CCDC7: variants seen among roughly 807,000 people sequenced by gnomAD.
CCDC7 encodes the protein coiled-coil domain containing 7, also known as coiled-coil domain-containing protein 7.
Under a neutral mutation model 196.9 loss-of-function variants are expected in CCDC7, and 183 were observed. That is an observed-to-expected ratio of 0.93 (90% CI 0.82 to 1.05). CCDC7 has a LOEUF of 1.05. Among genes scored for constraint, CCDC7 ranks in the 50% least tolerant of loss-of-function variants. CCDC7 has a pLI of 0.00. For synonymous variants in CCDC7, 525 were observed against 484.6 expected (o/e 1.08, Z -1.10); for missense variants, 1,540 against 1,482.2 (o/e 1.04, Z -0.64).
chr10:32,776,630 A>AT (rs1174802349), intron 28 of CCDC7, among the ~76,000 whole-genome samples: 1 of 152,144 alleles, frequency 6.6e-6, no homozygotes, highest in African/African-American at 2.4e-5. Context: ...TAAAATACTT[A>AT]TTTTCTTCAA....
chr10:32,576,637 A>G (rs1418269477), intron 16 of CCDC7, among the ~76,000 whole-genome samples: 1 of 149,568 alleles, frequency 6.7e-6, no homozygotes. Context: ...TGCTTCTTCA[A>G]CCTCCCACAC....
At chr10:32,549,877 TCTTA>T (rs2053178110) in intron 13 of CCDC7, among the ~76,000 whole-genome samples, 1 of 152,094 alleles carries the variant, frequency 6.6e-6, no homozygotes, top group Non-Finnish European at 1.5e-5. Flanking sequence ...TTTTGCTTAG[TCTTA>T]CTTTGGCTAT....
At chr10:32,828,558 G>GA (rs71487919) in intron 32 of CCDC7, among the ~76,000 whole-genome samples, 1 of 136,224 alleles carries the variant, frequency 7.3e-6, no homozygotes, top group African/African-American at 2.7e-5. Flanking sequence ...AGAAGAAGAA[G>GA]AAAGAAGAAG....
intron 28 of CCDC7, among the ~76,000 whole-genome samples, chr10:32,736,148 G>A (rs1405758748): frequency 1.3e-5 from 2 of 151,982 alleles, no homozygotes; most frequent in African/African-American, 4.8e-5. Context: ...TGGGTCTTTT[G>A]CCTTTCCATT....
intron 29 of CCDC7, among the ~76,000 whole-genome samples, chr10:32,780,166 TGAG>T (rs1323974058): frequency 2.0e-5 from 3 of 152,034 alleles, no homozygotes; most frequent in Non-Finnish European, 1.5e-5. Flanking sequence ...AAACCGAAGA[TGAG>T]GAGGTTTCAG....
intron 41 of CCDC7, among the ~76,000 whole-genome samples, chr10:32,873,158 G>A (rs1215670835): frequency 2.0e-5 from 3 of 152,016 alleles, no homozygotes; most frequent in Admixed American, 1.3e-4. Flanking sequence ...CATTCTCCCT[G>A]TCACTTTCAG....
chr10:32,714,761 G>C lies in CCDC7; in HGVS notation c.2569+3031G>C, dbSNP rs574785788. On this transcript the variant is annotated intron_variant, in intron 25 of 41. Transcript: ENST00000639629. ...TTGAGTAGGTGGTTTTCCCCTCACA[G>C]TGTAAACAAAGCTGCTGGGAAGTTC... 7.2e-5 allele frequency among the ~76,000 whole-genome samples: 11 copies of C among 152,292 alleles called. No homozygotes were observed. In the East Asian group the frequency reaches 1.9e-3, roughly 27 times the overall value.
intron 28 of CCDC7, among the ~76,000 whole-genome samples, chr10:32,730,414 A>G (rs1049689702): frequency 6.6e-6 from 1 of 151,490 alleles, no homozygotes; most frequent in African/African-American, 2.4e-5. Flanking sequence ...TCCATTTTTT[A>G]TCATCATACA....
At chr10:32,468,682 C>T (rs1481687604) in intron 5 of CCDC7, among the ~76,000 whole-genome samples, 2 of 152,122 alleles carry the variant, frequency 1.3e-5, no homozygotes, top group African/African-American at 2.4e-5. Flanking sequence ...TGATAGAACA[C>T]GTTTAAATGT....
chr10:32,633,565 T>C (rs1245677461), intron 18 of CCDC7, among the ~76,000 whole-genome samples: 1 of 152,096 alleles, frequency 6.6e-6, no homozygotes, highest in Non-Finnish European at 1.5e-5. Flanking sequence ...ACTGAGAATA[T>C]TTGTCAAATT....
chr10:32,633,690 A>ATATATT (rs1425799248), intron 18 of CCDC7, among the ~76,000 whole-genome samples: 1 of 114,704 alleles, frequency 8.7e-6, no homozygotes, highest in Non-Finnish European at 1.7e-5. Flanking sequence ...GTGTATATAT[A>ATATATT]TATATATGTG....
chr10:32,733,446 C>G (rs1306958533), intron 28 of CCDC7, among the ~76,000 whole-genome samples: 2 of 151,774 alleles, frequency 1.3e-5, no homozygotes, highest in Non-Finnish European at 2.9e-5. Context: ...TTTGCATTTT[C>G]AAAAAGCAAA....
intron 30 of CCDC7, among the ~76,000 whole-genome samples, chr10:32,807,177 C>T (rs1444516187): frequency 2.6e-5 from 4 of 152,174 alleles, no homozygotes; most frequent in Admixed American, 6.5e-5. Flanking sequence ...ACCCATAAAA[C>T]GAACATAGGT....
chr10:32,736,853 T>A lies in CCDC7; in HGVS notation c.2905+7396T>A, dbSNP rs529811265. Among the ~76,000 whole-genome samples the A allele has an allele frequency of 2.0e-5, 3 of 152,318 alleles. No individual in the cohort carries two copies. The East Asian group carries it at 5.8e-4, about 29-fold the overall frequency. On this transcript the variant is annotated intron_variant, in intron 28 of 41. Transcript: ENST00000639629. The stretch of plus-strand genomic sequence containing the variant: ...TACTCATTTTATATTTATTTTATTC[T>A]CTTTTCTTGTCTTACTGCATTAGTT...
In CCDC7 at chr10:32,451,823, T is replaced by TC; in HGVS notation, c.183dup (p.Ile62HisfsTer12). On this transcript the variant is annotated frameshift_variant, in exon 1 of 42. Transcript: ENST00000639629. LOFTEE classifies it high-confidence loss of function. ...CCTAAGATCTCCACCAACAGGAGAA[T>TC]CCATTTTACGGTATGCTTTGCCCAT... is the stretch of plus-strand genomic sequence containing the variant. 4 of 1,614,222 alleles carry TC rather than the reference T, an allele frequency of 2.5e-6. No homozygotes were observed. Among genetic ancestry groups the TC allele is most frequent in the Non-Finnish European group, 3.4e-6 (4 of 1,180,040 alleles).
At chr10:32,599,786 G>A (rs886205620) in intron 18 of CCDC7, among the ~76,000 whole-genome samples, 1 of 152,082 alleles carries the variant, frequency 6.6e-6, no homozygotes, top group Non-Finnish European at 1.5e-5. Flanking sequence ...CAATATGCAG[G>A]TTCTTAAATA....
chr10:32,741,783 T>C (rs2085897763), intron 28 of CCDC7, among the ~76,000 whole-genome samples: 1 of 152,148 alleles, frequency 6.6e-6, no homozygotes. Context: ...AATTCTCCCA[T>C]TGTGAGTGTG....
chr10:32,746,879 A>G (rs895375203), intron 28 of CCDC7, among the ~76,000 whole-genome samples: 5 of 152,208 alleles, frequency 3.3e-5, no homozygotes, highest in South Asian at 2.1e-4. Context: ...TGCGCACACA[A>G]GGACCCCATA....
At chr10:32,787,670 T>A (rs2082079732) in intron 29 of CCDC7, among the ~76,000 whole-genome samples, 1 of 152,132 alleles carries the variant, frequency 6.6e-6, no homozygotes, top group Non-Finnish European at 1.5e-5. Context: ...TAGGCCAGTA[T>A]CTGCAGACCC....
Sources: allele counts gnomAD v4.1 joint callset (sites outside exome capture counted in the v4.1 genomes callset), GRCh38; gene constraint gnomAD v4.1.1; transcripts MANE v1.5; gene names NCBI Gene and HGNC (gene_info 2026-07-23, HGNC 2026-07-21).